Variants in CD109 observed in about 807,000 individuals in gnomAD.
CD109 encodes the protein CD109 molecule.
In CD109, 149 loss-of-function variants were observed where a neutral mutation model predicts 165.8. The observed-to-expected ratio is 0.90, with a 90% CI of 0.79 to 1.03. The LOEUF (loss-of-function observed/expected upper bound fraction) is 1.03. CD109 is among the 50% of genes least tolerant of loss of function. The probability of loss-of-function intolerance (pLI) is 0.00; values close to 1 mark genes in which losing one functional copy is unlikely to be tolerated. For missense variants in CD109, 1,712 were observed against 1,677.8 expected, an observed-to-expected ratio of 1.02 and a Z score of -0.36; for synonymous variants, 585 against 592.1, an observed-to-expected ratio of 0.99 and a Z score of 0.18.
chr6:73,800,281 AT>A (rs1377271144), intron 23 of CD109, among the ~76,000 whole-genome samples: 4 of 152,114 alleles, frequency 2.6e-5, no homozygotes, highest in Non-Finnish European at 5.9e-5. Context: ...GATATTCCTC[AT>A]TCTTTTTTTC....
chr6:73,742,251 G>A (rs1772817118), intron 5 of CD109, among the ~76,000 whole-genome samples: 1 of 147,256 alleles, frequency 6.8e-6, no homozygotes. Context: ...TATATCAGCA[G>A]AATCATACAG....
rs1776215415 is a variant in CD109, at chr6:73,824,598, AGATCCCTGGCATTGGCCAG to A, written c.*967_*985del. 3 of 152,290 alleles carry A rather than the reference AGATCCCTGGCATTGGCCAG, an allele frequency of 2.0e-5. No individual in the cohort carries two copies. The highest frequency in any genetic ancestry group is 7.2e-5 in the African/African-American group (3 of 41,556). The allele number at this position is 152,290 out of a possible 1,614,324, so 9.4% of individuals were successfully genotyped here. A position where few individuals can be genotyped will look rare whatever the true frequency, so the allele number is the denominator to read the frequency against. On this transcript the variant is annotated 3_prime_UTR_variant, in exon 33 of 33. Coordinates refer to ENST00000287097, the MANE Select transcript of CD109 (RefSeq NM_133493.5). ...CATCTTGACATGACTGCTGACCTAA[AGATCCCTGGCATTGGCCAG>A]GGATCCTGTGGAACCTCTTCTAGTT...
intron 2 of CD109, among the ~76,000 whole-genome samples, chr6:73,702,102 C>T (rs1362125417): frequency 2.0e-5 from 3 of 152,154 alleles, no homozygotes; most frequent in South Asian, 2.1e-4. Context: ...GTGGAATGTG[C>T]TCTATAAATG....
chr6:73,786,376 T>TA (rs1774693876), intron 20 of CD109, among the ~76,000 whole-genome samples: 1 of 152,118 alleles, frequency 6.6e-6, no homozygotes, highest in Non-Finnish European at 1.5e-5. Flanking sequence ...GCACTTTATA[T>TA]ATAATTTTTT....
intron 31 of CD109, among the ~76,000 whole-genome samples, chr6:73,820,081 A>G (rs1776059273): frequency 6.6e-6 from 1 of 152,158 alleles, no homozygotes; most frequent in Admixed American, 6.6e-5. Context: ...CTACTGGGTG[A>G]CATGGCTTGC....
chr6:73,679,722 G>A, the CD109 span, among the ~76,000 whole-genome samples: 1 of 151,450 alleles, frequency 6.6e-6, no homozygotes, highest in Non-Finnish European at 1.5e-5. Context: ...TGCAACCTCC[G>A]CCTCCTGGGT....
At chr6:73,759,507 T>A (rs2150218978) in intron 7 of CD109, among the ~76,000 whole-genome samples, 1 of 152,308 alleles carries the variant, frequency 6.6e-6, no homozygotes, top group South Asian at 2.1e-4. Flanking sequence ...GTCAAGCTTT[T>A]ATTTTCTGAG....
chr6:73,793,685 T>A (rs1248880592), intron 23 of CD109, among the ~76,000 whole-genome samples: 1 of 152,168 alleles, frequency 6.6e-6, no homozygotes, highest in Non-Finnish European at 1.5e-5. Flanking sequence ...GTAAAGTAAA[T>A]TTGATTTTCT....
intron 7 of CD109, among the ~76,000 whole-genome samples, chr6:73,762,092 A>T (rs375716383): frequency 6.6e-6 from 1 of 151,966 alleles, no homozygotes; most frequent in South Asian, 2.1e-4. Flanking sequence ...CCTCCAAAGT[A>T]GCTGGGAGTA....
intron 17 of CD109, 132 bp from the exon 18 acceptor site, chr6:73,782,482 G>T: frequency 1.3e-6 from 1 of 788,780 alleles, no homozygotes; most frequent in Non-Finnish European, 2.0e-6. Flanking sequence ...GTAACAGAAG[G>T]AACCTGATAC....
At position 73,823,736 on chromosome 6, in the gene CD109, T is replaced by G; in HGVS notation, c.*103T>G. The G allele has an allele frequency of 8.6e-7, 1 of 1,164,904 alleles. No individual in the cohort carries two copies. Among genetic ancestry groups the G allele is most frequent in the Non-Finnish European group, 1.2e-6 (1 of 830,268 alleles). 72.2% of individuals were successfully genotyped at this position (1,164,904 alleles called of 1,614,324 possible). ...CTGCTTCTATTTTGAAAAAAGAGTTTTTTTTCTTTCTATGGGGTTGCAGGG... is the reference window on the plus strand; with the variant it reads ...CTGCTTCTATTTTGAAAAAAGAGTTGTTTTTCTTTCTATGGGGTTGCAGGG... On this transcript the variant is annotated 3_prime_UTR_variant, in exon 33 of 33. Coordinates refer to ENST00000287097, the MANE Select transcript of CD109 (RefSeq NM_133493.5).
At chr6:73,721,082 A>T (rs1403360377) in intron 2 of CD109, among the ~76,000 whole-genome samples, 2 of 152,176 alleles carry the variant, frequency 1.3e-5, no homozygotes, top group African/African-American at 4.8e-5. Flanking sequence ...TACTATGTAT[A>T]TCTGTTCCAC....
rs759198913 is a variant in CD109 at position 73,762,469 on chromosome 6, A to G, written c.844A>G (p.Lys282Glu). 13 of 1,596,572 alleles carry G rather than the reference A, an allele frequency of 8.1e-6. No homozygotes were observed. In the Admixed American group the frequency reaches 1.0e-4, roughly 12 times the overall value. Residue 282 changes from lysine to glutamate, a missense_variant, in exon 8 of 33, where the codon AAA becomes GAA. By Grantham distance (56) the Lys-to-Glu change is moderately conservative. Coordinates refer to ENST00000287097, the MANE Select transcript of CD109 (RefSeq NM_133493.5). ...TTGGGGAAAGAAGAAAAATATTACA[A>G]AAACATTTAAGGTAACTTTTGCAGA... ...SFWGKKKNITKTFKINGSANF... is the reference protein window; with the variant it reads ...SFWGKKKNITETFKINGSANF...
rs187963777 is a variant in CD109, at chr6:73,775,652, A to G, written c.1827+4071A>G. Among the ~76,000 whole-genome samples the G allele has an allele frequency of 2.7e-3, 414 of 152,174 alleles. 1 individual carries two copies. Among genetic ancestry groups the G allele is most frequent in the African/African-American group, 9.3e-3 (388 of 41,522 alleles). ...GTCCAGTACCCATTAGTTATTTTTC[A>G]TGATCCTCTCCCTGCTCCCACCCTC... On this transcript the variant is annotated intron_variant, in intron 15 of 32. Coordinates refer to ENST00000287097, the MANE Select transcript of CD109 (RefSeq NM_133493.5).
intron 2 of CD109, among the ~76,000 whole-genome samples, chr6:73,718,119 T>G (rs1268722342): frequency 6.6e-6 from 1 of 151,996 alleles, no homozygotes; most frequent in Admixed American, 6.5e-5. Context: ...GAGACCAGCC[T>G]GGGCAACATA....
chr6:73,781,923 A>T (rs376377253), intron 17 of CD109, among the ~76,000 whole-genome samples: 2 of 152,176 alleles, frequency 1.3e-5, no homozygotes, highest in African/African-American at 4.8e-5. Context: ...GCTGCCAAGT[A>T]ATAATAAGTG....
chr6:73,770,013 GA>G (rs1773979453), intron 14 of CD109, among the ~76,000 whole-genome samples: 1 of 152,214 alleles, frequency 6.6e-6, no homozygotes, highest in African/African-American at 2.4e-5. Flanking sequence ...GCACTGGGGT[GA>G]ACTCATATGA....
intron 2 of CD109, among the ~76,000 whole-genome samples, chr6:73,700,424 G>A (rs933149493): frequency 6.6e-6 from 1 of 152,010 alleles, no homozygotes; most frequent in Non-Finnish European, 1.5e-5. Context: ...CAGAAGGTTG[G>A]TTTTAATAAA....
intron 24 of CD109, 86 bp from the exon 25 acceptor site, chr6:73,806,758 A>C: frequency 1.1e-6 from 1 of 880,360 alleles, no homozygotes; most frequent in Non-Finnish European, 1.7e-6. Context: ...TGATGGGGGA[A>C]AAAGTGTTGT....
Sources: allele counts gnomAD v4.1 joint callset (sites outside exome capture counted in the v4.1 genomes callset), GRCh38; gene constraint gnomAD v4.1.1; transcripts MANE v1.5; gene names NCBI Gene and HGNC (gene_info 2026-07-23, HGNC 2026-07-21).